SMCHD1: variants seen among roughly 807,000 people sequenced by gnomAD.
The protein encoded by SMCHD1 is structural maintenance of chromosomes flexible hinge domain containing 1.
In SMCHD1, 78 loss-of-function variants were observed where a neutral mutation model predicts 254.7. The observed-to-expected ratio is 0.31, with a 90% confidence interval of 0.26 to 0.37. SMCHD1 has a LOEUF of 0.37. SMCHD1 is among the 10% of genes least tolerant of loss of function. The pLI is 1.00. For synonymous variants in SMCHD1, 766 were observed against 794.9 expected, an observed-to-expected ratio of 0.96 and a Z score of 0.61; for missense variants, 1,840 against 2,408.1, an observed-to-expected ratio of 0.76 and a Z score of 4.94.
rs971557145 is a variant in SMCHD1, at chr18:2,802,647, G to C, written c.*95G>C. The stretch of plus-strand genomic sequence containing the variant: ...GACCAAGAGGGTGACTTACCAGACT[G>C]AGTATTTCTGGGGACAATACAAGTA... On this transcript the variant is annotated 3_prime_UTR_variant, in exon 48 of 48. Coordinates refer to ENST00000320876, the MANE Select transcript of SMCHD1 (RefSeq NM_015295.3). The C allele has an allele frequency of 2.6e-5, 31 of 1,190,104 alleles. No individual in the cohort carries two copies. The highest frequency in any genetic ancestry group is 3.9e-4 in the Middle Eastern group (2 of 5,134). 73.7% of individuals were successfully genotyped at this position (1,190,104 alleles called of 1,614,324 possible).
At chr18:2,692,428 T>C (rs1307995114) in intron 7 of SMCHD1, among the ~76,000 whole-genome samples, 4 of 152,186 alleles carry the variant, frequency 2.6e-5, no homozygotes, top group Admixed American at 6.5e-5. Context: ...TCTTATTCTC[T>C]CCTTCTCCTG....
Position 2,763,925 on chromosome 18 carries a change from AT to A in SMCHD1, c.4719+140del, listed in dbSNP as rs1395826170. 3 of 810,160 alleles carry A rather than the reference AT, an allele frequency of 3.7e-6. No homozygotes were observed. In the African/African-American group the frequency reaches 5.5e-5, roughly 15 times the overall value. 50.2% of individuals were successfully genotyped at this position (810,160 alleles called of 1,614,324 possible). The stretch of plus-strand genomic sequence containing the variant: ...ACTAAATTGGGAAGTCAGCTGAAAT[AT>A]TTTCTGTTTTTGCTATTACAAATTG... On this transcript the variant is annotated intron_variant, in intron 37 of 47. Coordinates refer to ENST00000320876, the MANE Select transcript of SMCHD1 (RefSeq NM_015295.3).
intron 17 of SMCHD1, among the ~76,000 whole-genome samples, chr18:2,709,709 ATCT>A (rs1304200713): frequency 6.6e-6 from 1 of 152,066 alleles, no homozygotes; most frequent in Non-Finnish European, 1.5e-5. Context: ...CCATCTGTAT[ATCT>A]TCTTTGGACA....
chr18:2,694,747 G>T, intron 8 of SMCHD1, 54 bp downstream of exon 8: 2 of 1,472,302 alleles, frequency 1.4e-6, no homozygotes, highest in Non-Finnish European at 1.9e-6. Flanking sequence ...TTTTAAGGCA[G>T]AAAACATTAC....
At chr18:2,773,665 T>C (rs1317654912) in intron 41 of SMCHD1, among the ~76,000 whole-genome samples, 1 of 152,196 alleles carries the variant, frequency 6.6e-6, no homozygotes, top group Non-Finnish European at 1.5e-5. Flanking sequence ...CTCACACCTG[T>C]AATCCCAACA....
At chr18:2,749,618 A>G (rs143428033) in intron 30 of SMCHD1, among the ~76,000 whole-genome samples, 1 of 152,178 alleles carries the variant, frequency 6.6e-6, no homozygotes, top group Non-Finnish European at 1.5e-5. Context: ...CAAGAGAAAA[A>G]TGAAGAATGA....
chr18:2,720,936 C>G (rs2074912949), intron 19 of SMCHD1, among the ~76,000 whole-genome samples: 1 of 152,130 alleles, frequency 6.6e-6, no homozygotes, highest in Non-Finnish European at 1.5e-5. Flanking sequence ...TTTAGTAGTG[C>G]TGTGTCTCTC....
intron 41 of SMCHD1, among the ~76,000 whole-genome samples, chr18:2,774,406 G>GTGTTT (rs1477530318): frequency 6.6e-6 from 1 of 151,936 alleles, no homozygotes; most frequent in Non-Finnish European, 1.5e-5. Context: ...ATGTTAGGAT[G>GTGTTT]TGTTTTGTTT....
chr18:2,708,907 T>TTTATATATATATAA (rs1555635505), intron 17 of SMCHD1, among the ~76,000 whole-genome samples: 2 of 44,706 alleles, frequency 4.5e-5, no homozygotes, highest in East Asian at 2.3e-3. Context: ...TATATATATA[T>TTTATATATATATAA]AACATATTAA....
At chr18:2,798,493 GAC>G (rs958866550) in intron 47 of SMCHD1, among the ~76,000 whole-genome samples, 8 of 152,186 alleles carry the variant, frequency 5.3e-5, no homozygotes, top group African/African-American at 1.9e-4. Flanking sequence ...ACCTGCTTGT[GAC>G]TGTGAAAATT....
At chr18:2,701,812 G>T (rs1217070553) in intron 12 of SMCHD1, among the ~76,000 whole-genome samples, 1 of 151,872 alleles carries the variant, frequency 6.6e-6, no homozygotes, top group Non-Finnish European at 1.5e-5. Flanking sequence ...GTTTAATGTT[G>T]AATTGCCAAG....
chr18:2,777,678 TGTG>T (rs200498243), intron 42 of SMCHD1, 125 bp from the exon 43 acceptor site: 6,062 of 541,044 alleles, frequency 0.011, 59 homozygotes, highest in Middle Eastern at 0.031. Flanking sequence ...AAGTATCACT[TGTG>T]GTGGATTGGG....
intron 34 of SMCHD1, among the ~76,000 whole-genome samples, chr18:2,759,571 C>CTTTTTTTTT (rs61159403): frequency 0.052 from 3,620 of 69,208 alleles, 494 homozygotes; most frequent in African/African-American, 0.15. Flanking sequence ...TTAATTCTCT[C>CTTTTTTTTT]TTTTTTTTTT....
intron 45 of SMCHD1, among the ~76,000 whole-genome samples, chr18:2,790,056 C>T (rs1413676601): frequency 1.3e-5 from 2 of 152,136 alleles, no homozygotes; most frequent in Non-Finnish European, 2.9e-5. Context: ...GGTGGACGTG[C>T]CTGTAGTCCC....
In SMCHD1 at chr18:2,707,605, A is replaced by G; in HGVS notation, c.2106A>G (p.Glu702=). The G allele has an allele frequency of 6.2e-7, 1 of 1,609,814 alleles. No individual in the cohort carries two copies. The highest frequency in any genetic ancestry group is 8.5e-7 in the Non-Finnish European group (1 of 1,177,608). The change falls in exon 16 of 48, where the codon GAA becomes GAG. Residue 702 remains glutamate, a synonymous_variant. Transcript: ENST00000320876. The stretch of plus-strand genomic sequence containing the variant: ...CAGTAACTTGGCCTGAAGGAGATGA[A>G]TTATTGCCTAATGAGGTTAGGCCTG... ...RLSVTWPEGD[E]LLPNEVRPAG... is the part of the protein sequence containing the mutation.
At chr18:2,665,972 T>C (rs1006698082) in intron 1 of SMCHD1, among the ~76,000 whole-genome samples, 185 bp from the exon 2 acceptor site, 10 of 152,258 alleles carry the variant, frequency 6.6e-5, no homozygotes, top group African/African-American at 2.4e-4. Flanking sequence ...AAGTAATTTA[T>C]ATAGATTTAT....
chr18:2,766,248 C>T (rs2075866899), intron 37 of SMCHD1, among the ~76,000 whole-genome samples: 1 of 152,234 alleles, frequency 6.6e-6, no homozygotes, highest in Non-Finnish European at 1.5e-5. Flanking sequence ...CCGCCTCGGC[C>T]TCCCAAAGTG....
intron 3 of SMCHD1, among the ~76,000 whole-genome samples, chr18:2,670,778 G>A (rs1037150902): frequency 1.3e-5 from 2 of 151,734 alleles, no homozygotes; most frequent in African/African-American, 2.4e-5. Context: ...GTGGGTGCCT[G>A]TAATTCCAAC....
intron 8 of SMCHD1, among the ~76,000 whole-genome samples, chr18:2,695,529 T>A (rs2074268346): frequency 6.6e-6 from 1 of 152,094 alleles, no homozygotes; most frequent in Admixed American, 6.6e-5. Flanking sequence ...AGGCTGGTCT[T>A]GAACTCCTGA....
Sources: allele counts gnomAD v4.1 joint callset (sites outside exome capture counted in the v4.1 genomes callset), GRCh38; gene constraint gnomAD v4.1.1; transcripts MANE v1.5; gene names NCBI Gene and HGNC (gene_info 2026-07-23, HGNC 2026-07-21).